GPHN: variants seen among roughly 807,000 people sequenced by gnomAD.
The protein encoded by GPHN is gephyrin.
GPHN carries 17 observed loss-of-function variants against 95.5 expected under a neutral mutation model. The observed-to-expected ratio is 0.18, with a 90% CI of 0.12 to 0.27. The LOEUF is 0.27. GPHN is among the 10% of genes least tolerant of loss of function. The pLI, the probability that GPHN is intolerant of heterozygous loss-of-function variation, is 1.00. For synonymous variants in GPHN, 320 were observed against 322.5 expected (o/e 0.99, Z 0.08); for missense variants, 660 against 978.1 (o/e 0.67, Z 4.34).
At chr14:67,373,113 T>G in the GPHN span, among the ~76,000 whole-genome samples, 7 of 152,188 alleles carry the variant, frequency 4.6e-5, no homozygotes, top group African/African-American at 1.7e-4. Context: ...ACATTCACTT[T>G]GGGAAAGTTT....
At chr14:66,933,119 CATGTTT>C (rs2066916217) in intron 8 of GPHN, among the ~76,000 whole-genome samples, 1 of 152,216 alleles carries the variant, frequency 6.6e-6, no homozygotes, top group Non-Finnish European at 1.5e-5. Context: ...AGTAGACTCA[CATGTTT>C]ATGTTTCCTG....
chr14:67,555,225 T>C, the GPHN span, among the ~76,000 whole-genome samples: 1 of 152,212 alleles, frequency 6.6e-6, no homozygotes, highest in Non-Finnish European at 1.5e-5. Context: ...GCTCGCAAGA[T>C]AGAATTTTGA....
the GPHN span, among the ~76,000 whole-genome samples, chr14:67,439,577 C>A: frequency 9.4e-6 from 1 of 106,016 alleles, no homozygotes; most frequent in Non-Finnish European, 1.7e-5. Context: ...TTCTTTCTTT[C>A]TTTCTTTCTT....
At chr14:66,621,668 C>T (rs188648863) in intron 1 of GPHN, among the ~76,000 whole-genome samples, 23 of 148,674 alleles carry the variant, frequency 1.5e-4, no homozygotes, top group South Asian at 4.3e-4. Flanking sequence ...TGTGATCCAC[C>T]GCCTCGGCCT....
At chr14:66,932,693 G>A (rs959078405) in intron 8 of GPHN, among the ~76,000 whole-genome samples, 1 of 151,378 alleles carries the variant, frequency 6.6e-6, no homozygotes, top group Non-Finnish European at 1.5e-5. Context: ...CCGCTTGGCT[G>A]CCACTGATGT....
rs936753703 is a variant in GPHN, at chr14:67,070,338, T to C, written c.1144+11552T>C. Among the ~76,000 whole-genome samples, 3 of 148,464 alleles carry C rather than the reference T, an allele frequency of 2.0e-5. No individual in the cohort carries two copies. In the East Asian group the frequency reaches 5.8e-4, roughly 29 times the overall value. On this transcript the variant is annotated intron_variant, in intron 11 of 22. Coordinates refer to ENST00000478722, the MANE Select transcript of GPHN (RefSeq NM_020806.5). ...TACATTTTAAATATTTTTATATATA[T>C]ATATATACACACATATATATATAAA...
chr14:67,042,445 A>G (rs987531889), intron 10 of GPHN, among the ~76,000 whole-genome samples: 4 of 152,124 alleles, frequency 2.6e-5, no homozygotes, highest in African/African-American at 9.7e-5. Flanking sequence ...TTTTTTGCAT[A>G]GGGCTAACCA....
chr14:67,184,590 C>T (rs1262088420), downstream of GPHN, among the ~76,000 whole-genome samples: 1 of 152,064 alleles, frequency 6.6e-6, no homozygotes, highest in Non-Finnish European at 1.5e-5. Context: ...CCCCTCTTGG[C>T]TGACTGAGAA....
chr14:66,722,189 G>A (rs905817256), intron 2 of GPHN, among the ~76,000 whole-genome samples: 4 of 151,852 alleles, frequency 2.6e-5, no homozygotes, highest in African/African-American at 4.8e-5. Flanking sequence ...AAAGGATTCC[G>A]CTTTTTTAAG....
chr14:66,714,159 G>T (rs1233628402), intron 2 of GPHN, among the ~76,000 whole-genome samples: 1 of 152,108 alleles, frequency 6.6e-6, no homozygotes. Context: ...TGTCATCTGT[G>T]ATTTTGTTCA....
the GPHN span, chr14:67,586,052 A>G: frequency 6.2e-7 from 1 of 1,613,882 alleles, no homozygotes. Flanking sequence ...AGAGCTCTGG[A>G]AAAAGCCACA....
intron 17 of GPHN, among the ~76,000 whole-genome samples, chr14:67,123,162 C>T (rs2079106140): frequency 6.6e-6 from 1 of 152,214 alleles, no homozygotes. Context: ...GTGATAAATA[C>T]TCATGATGTA....
chr14:66,837,488 A>G (rs2061888311), intron 4 of GPHN, among the ~76,000 whole-genome samples: 1 of 148,972 alleles, frequency 6.7e-6, no homozygotes. Flanking sequence ...AGATATACCT[A>G]ATGCTAGATG....
the GPHN span, among the ~76,000 whole-genome samples, chr14:67,446,797 C>G: frequency 6.6e-6 from 1 of 152,154 alleles, no homozygotes; most frequent in Non-Finnish European, 1.5e-5. Flanking sequence ...ATCCTAAGCT[C>G]AGATCCAAAA....
chr14:67,046,403 A>G (rs115182577), intron 10 of GPHN, among the ~76,000 whole-genome samples: 2,157 of 152,294 alleles, frequency 0.014, 40 homozygotes, highest in African/African-American at 0.048. Context: ...ATGAAATAGT[A>G]CAGTGTATTC....
chr14:67,209,630 C>T, the GPHN span, among the ~76,000 whole-genome samples: 14 of 151,092 alleles, frequency 9.3e-5, no homozygotes, highest in Non-Finnish European at 1.9e-4. Flanking sequence ...CTAGCCTGGC[C>T]AACATGGTGA....
chr14:66,765,850 T>C (rs969583560), intron 2 of GPHN, among the ~76,000 whole-genome samples: 6 of 152,202 alleles, frequency 3.9e-5, no homozygotes, highest in Non-Finnish European at 8.8e-5. Flanking sequence ...ATGAAATATA[T>C]ATCTGGATAA....
At chr14:67,611,487 G>A in the GPHN span, among the ~76,000 whole-genome samples, 11 of 151,686 alleles carry the variant, frequency 7.3e-5, no homozygotes, top group Non-Finnish European at 1.3e-4. Context: ...GGCTGGTCTC[G>A]AACTCCTGAC....
chr14:67,017,995 C>T (rs975401096), intron 9 of GPHN, among the ~76,000 whole-genome samples: 1 of 152,044 alleles, frequency 6.6e-6, no homozygotes, highest in Non-Finnish European at 1.5e-5. Flanking sequence ...CTGTACAAAG[C>T]AGTGTATTTA....
Sources: gnomAD v4.1 joint callset for allele counts (sites outside exome capture counted in the v4.1 genomes callset) on GRCh38, gnomAD v4.1.1 for gene constraint, MANE v1.5 for transcripts, NCBI Gene and HGNC (gene_info 2026-07-23, HGNC 2026-07-21) for gene names.